Variants in SPATS2 observed in about 807,000 individuals in gnomAD.
SPATS2 encodes the protein spermatogenesis-associated serine-rich protein 2.
SPATS2 carries 38 observed loss-of-function variants against 63.7 expected under a neutral mutation model. That is an observed-to-expected ratio of 0.60 (90% CI 0.46 to 0.78). The LOEUF is 0.78. SPATS2 is among the 30% of genes least tolerant of loss of function. The pLI, the probability that SPATS2 is intolerant of heterozygous loss-of-function variation, is 0.00. For synonymous variants in SPATS2, 207 were observed against 232.9 expected (o/e 0.89, Z 1.01); for missense variants, 588 against 666.2 (o/e 0.88, Z 1.29).
chr12:49,483,287 T>G (rs1797759845), intron 3 of SPATS2, among the ~76,000 whole-genome samples: 1 of 151,886 alleles, frequency 6.6e-6, no homozygotes, highest in African/African-American at 2.4e-5. Context: ...CCACTGCTCA[T>G]TAATACCTCT....
At chr12:49,490,538 A>T in intron 5 of SPATS2, 144 bp from the exon 6 acceptor site, 1 of 722,936 alleles carries the variant, frequency 1.4e-6, no homozygotes, top group Non-Finnish European at 2.4e-6. Flanking sequence ...TCATTACATT[A>T]CTTTAGACCT....
rs752865243 is a variant in SPATS2 at position 49,490,734 on chromosome 12, A to G, written c.264+3A>G. The G allele has an allele frequency of 1.3e-5, 21 of 1,613,258 alleles. No individual in the cohort carries two copies. The Middle Eastern group carries it at 2.3e-3, about 177-fold the overall frequency. On this transcript the variant is annotated splice_donor_region_variant and intron_variant, in intron 6 of 13. Coordinates refer to ENST00000552918, the MANE Select transcript of SPATS2 (RefSeq NM_023071.4). ...GGACAGTAACAGGCAAGAAAAAGGT[A>G]AAATGAATTACATTTAAAAGCATGA...
chr12:49,498,446 A>C (rs1460390919), intron 8 of SPATS2, among the ~76,000 whole-genome samples: 2 of 152,140 alleles, frequency 1.3e-5, no homozygotes, highest in African/African-American at 4.8e-5. Context: ...CAGTGCTTTG[A>C]AGTGTACTAT....
rs564214945 is a variant in SPATS2 at position 49,500,642 on chromosome 12, C to T, written c.839+437C>T. ...AAAAAATTAGCTGGGTGTGGTGGCG[C>T]GCGCCTGTAGTCCTAGCTACTCGGG... On this transcript the variant is annotated intron_variant, in intron 9 of 13. Transcript: ENST00000552918. 7.2e-5 allele frequency among the ~76,000 whole-genome samples: 11 copies of T among 152,006 alleles called. No individual in the cohort carries two copies. The East Asian group carries it at 7.8e-4, about 11-fold the overall frequency.
intron 2 of SPATS2, among the ~76,000 whole-genome samples, chr12:49,403,594 TACACACACACACACACACACAC>T (rs5798102): frequency 1.9e-4 from 24 of 128,496 alleles, no homozygotes; most frequent in East Asian, 4.6e-4. Context: ...TGCCACTGTC[TACACACACACACACACACACAC>T]ACACACACAC....
intron 2 of SPATS2, among the ~76,000 whole-genome samples, chr12:49,391,575 A>T (rs1944419456): frequency 7.4e-6 from 1 of 135,692 alleles, no homozygotes; most frequent in African/African-American, 2.4e-5. Context: ...AAAAGCCACC[A>T]GTTATGGAAA....
At chr12:49,447,036 C>G (rs1945524549) in intron 2 of SPATS2, among the ~76,000 whole-genome samples, 1 of 151,128 alleles carries the variant, frequency 6.6e-6, no homozygotes, top group African/African-American at 2.4e-5. Flanking sequence ...TCAAGCAGTT[C>G]TCCTGCTTCA....
chr12:49,526,477 A>G lies in SPATS2; in HGVS notation c.*222A>G, dbSNP rs971113233. On this transcript the variant is annotated 3_prime_UTR_variant, in exon 14 of 14. Coordinates refer to ENST00000552918, the MANE Select transcript of SPATS2 (RefSeq NM_023071.4). ...GATCTTTCCCAGTGATATGGATTGA[A>G]TCTGGTTGGTCATTTCCACCAGGAA... 3.6e-5 allele frequency: 21 copies of G among 587,824 alleles called. No homozygotes were observed. The highest frequency in any genetic ancestry group is 5.4e-5 in the Non-Finnish European group (19 of 352,228). The allele number at this position is 587,824 out of a possible 1,614,324, so 36.4% of individuals were successfully genotyped here. A position where few individuals can be genotyped will look rare whatever the true frequency, so the allele number is the denominator to read the frequency against.
intron 2 of SPATS2, among the ~76,000 whole-genome samples, chr12:49,439,295 A>G (rs1220681137): frequency 1.3e-5 from 2 of 152,154 alleles, no homozygotes; most frequent in East Asian, 3.9e-4. Context: ...CAGGTCAGGT[A>G]GGGCTTGCTG....
At chr12:49,508,257 GAATGTAGTGGCGC>G (rs1487387574) in intron 9 of SPATS2, among the ~76,000 whole-genome samples, 2 of 151,930 alleles carry the variant, frequency 1.3e-5, no homozygotes, top group African/African-American at 2.4e-5. Flanking sequence ...TCCCAGGCCA[GAATGTAGTGGCGC>G]AATATCGGTT....
intron 11 of SPATS2, among the ~76,000 whole-genome samples, chr12:49,521,020 A>G (rs576947783): frequency 6.6e-6 from 1 of 152,158 alleles, no homozygotes; most frequent in Non-Finnish European, 1.5e-5. Flanking sequence ...CGCCTGGCCA[A>G]ATTCTTATAT....
At chr12:49,430,188 C>T (rs140748489) in intron 2 of SPATS2, among the ~76,000 whole-genome samples, 290 of 148,330 alleles carry the variant, frequency 2.0e-3, no homozygotes, top group African/African-American at 6.7e-3. Context: ...GCAAGGTCTG[C>T]CTCCCAGGTT....
intron 2 of SPATS2, among the ~76,000 whole-genome samples, chr12:49,374,171 C>G (rs1264353923): frequency 6.6e-6 from 1 of 152,036 alleles, no homozygotes; most frequent in Admixed American, 6.6e-5. Flanking sequence ...TGCTCTGTCA[C>G]CCAGGCTGGA....
intron 2 of SPATS2, among the ~76,000 whole-genome samples, chr12:49,400,014 C>T (rs1191837332): frequency 1.3e-5 from 2 of 152,018 alleles, no homozygotes; most frequent in Admixed American, 6.6e-5. Context: ...CCAGCCTGGG[C>T]GACAGAGCGA....
In SPATS2 at chr12:49,496,267, G is replaced by GTTGTTTGTTTGTTTGTTTGT. The variant is rs569456511; in HGVS notation, c.527-559_527-540dup. Among the ~76,000 whole-genome samples the GTTGTTTGTTTGTTTGTTTGT allele has an allele frequency of 2.6e-5, 4 of 151,900 alleles. No homozygotes were observed. In the South Asian group the frequency reaches 6.2e-4, roughly 24 times the overall value. On this transcript the variant is annotated intron_variant, in intron 7 of 13. Coordinates refer to ENST00000552918, the MANE Select transcript of SPATS2 (RefSeq NM_023071.4). ...TTACACTTCTATCCCCTAGAGCGTT[G>GTTGTTTGTTTGTTTGTTTGT]TTGTTTGTTTGTTTGTTTGTTTGTT... is the stretch of plus-strand genomic sequence containing the variant.
chr12:49,371,635 C>T (rs1943998845), intron 2 of SPATS2, among the ~76,000 whole-genome samples: 2 of 152,104 alleles, frequency 1.3e-5, no homozygotes, highest in Non-Finnish European at 2.9e-5. Context: ...CATGGTTCTG[C>T]AGGCTGTACA....
chr12:49,408,133 G>T (rs1944728105), intron 2 of SPATS2, among the ~76,000 whole-genome samples: 1 of 152,144 alleles, frequency 6.6e-6, no homozygotes, highest in African/African-American at 2.4e-5. Context: ...TTGGGAATAT[G>T]TCAGCCATAA....
chr12:49,479,814 G>A (rs1408264130), intron 3 of SPATS2, among the ~76,000 whole-genome samples: 1 of 152,176 alleles, frequency 6.6e-6, no homozygotes, highest in East Asian at 1.9e-4. Flanking sequence ...TAGAAGAAAG[G>A]CTATATATCA....
chr12:49,431,486 G>A (rs1173663151), intron 2 of SPATS2, among the ~76,000 whole-genome samples: 7 of 152,118 alleles, frequency 4.6e-5, no homozygotes, highest in Non-Finnish European at 1.0e-4. Flanking sequence ...CCAACCTTGT[G>A]ATCTGCCCGC....
Sources: allele counts gnomAD v4.1 joint callset (sites outside exome capture counted in the v4.1 genomes callset), GRCh38; gene constraint gnomAD v4.1.1; transcripts MANE v1.5; gene names NCBI Gene and HGNC (gene_info 2026-07-23, HGNC 2026-07-21).